EPHA6: variants seen among roughly 807,000 people sequenced by gnomAD.
EPHA6 encodes the protein ephrin type-A receptor 6.
In EPHA6, 50 loss-of-function variants were observed where a neutral mutation model predicts 112.0. The observed-to-expected ratio is 0.45, with a 90% CI of 0.36 to 0.56. The LOEUF (loss-of-function observed/expected upper bound fraction) is 0.56, where lower values mean the gene tolerates loss of function less well. EPHA6 is among the 20% of genes least tolerant of loss of function. The probability of loss-of-function intolerance (pLI) is 0.00; values close to 1 mark genes in which losing one functional copy is unlikely to be tolerated. For missense variants in EPHA6, 1,280 were observed against 1,417.4 expected, an observed-to-expected ratio of 0.90 and a Z score of 1.56; for synonymous variants, 529 against 490.7, an observed-to-expected ratio of 1.08 and a Z score of -1.03.
chr3:97,106,339 C>T (rs764753354), intron 3 of EPHA6, among the ~76,000 whole-genome samples: 1 of 151,922 alleles, frequency 6.6e-6, no homozygotes, highest in Non-Finnish European at 1.5e-5. Flanking sequence ...GGTTTCCAAA[C>T]CCTCAGAATT....
At chr3:96,948,645 T>A (rs565921052) in intron 2 of EPHA6, among the ~76,000 whole-genome samples, 31 of 152,198 alleles carry the variant, frequency 2.0e-4, no homozygotes, top group Non-Finnish European at 4.0e-4. Context: ...TGGTGTTTCC[T>A]CTATCTTCAG....
intron 12 of EPHA6, 53 bp from the exon 13 acceptor site, chr3:97,610,740 C>T (rs1161586331): frequency 3.3e-5 from 47 of 1,404,856 alleles, no homozygotes; most frequent in Non-Finnish European, 4.5e-5. Context: ...TTAACTGCAG[C>T]ACATATTTCT....
At chr3:97,707,052 T>A (rs1022331061) in intron 14 of EPHA6, among the ~76,000 whole-genome samples, 1 of 152,130 alleles carries the variant, frequency 6.6e-6, no homozygotes, top group Non-Finnish European at 1.5e-5. Flanking sequence ...CTTTTTAAAT[T>A]GAAAATTTAG....
intron 1 of EPHA6, among the ~76,000 whole-genome samples, chr3:96,834,886 G>T (rs2034307874): frequency 6.6e-6 from 1 of 151,940 alleles, no homozygotes; most frequent in African/African-American, 2.4e-5. Context: ...AAGATTTATA[G>T]ATGGGGTTTA....
chr3:97,290,701 G>A (rs925209447), intron 5 of EPHA6, among the ~76,000 whole-genome samples: 28 of 151,982 alleles, frequency 1.8e-4, no homozygotes, highest in African/African-American at 6.8e-4. Context: ...ATGATCTTTT[G>A]TATTTCTGAG....
At chr3:97,737,724 G>C (rs1199710958) in intron 16 of EPHA6, among the ~76,000 whole-genome samples, 1 of 152,038 alleles carries the variant, frequency 6.6e-6, no homozygotes, top group East Asian at 1.9e-4. Flanking sequence ...ATCTGGACTA[G>C]AGATGTAGAT....
chr3:97,546,888 G>C (rs902656423), intron 11 of EPHA6, among the ~76,000 whole-genome samples: 2 of 152,146 alleles, frequency 1.3e-5, no homozygotes, highest in African/African-American at 4.8e-5. Context: ...TCGTCACGTA[G>C]CTCTCATGCC....
intron 6 of EPHA6, among the ~76,000 whole-genome samples, chr3:97,415,394 A>G (rs1323408113): frequency 6.6e-6 from 1 of 152,036 alleles, no homozygotes; most frequent in Non-Finnish European, 1.5e-5. Context: ...TTATCTATTC[A>G]TTGGACACCT....
At chr3:97,226,002 A>AGTGT (rs371389846) in intron 3 of EPHA6, among the ~76,000 whole-genome samples, 1 of 151,486 alleles carries the variant, frequency 6.6e-6, no homozygotes, top group Non-Finnish European at 1.5e-5. Flanking sequence ...TGCCCGTGTG[A>AGTGT]GTGTGTGTGT....
chr3:97,130,950 C>A (rs1479998684), intron 3 of EPHA6, among the ~76,000 whole-genome samples: 4 of 152,088 alleles, frequency 2.6e-5, no homozygotes, highest in Admixed American at 2.0e-4. Flanking sequence ...GTAACCACTT[C>A]TGTGCCATTT....
intron 5 of EPHA6, among the ~76,000 whole-genome samples, chr3:97,269,033 G>C (rs568760829): frequency 9.9e-5 from 15 of 152,086 alleles, no homozygotes; most frequent in Non-Finnish European, 1.9e-4. Context: ...TGGCTAGTTC[G>C]CTTTAAATAA....
intron 2 of EPHA6, among the ~76,000 whole-genome samples, chr3:96,883,688 CAG>C (rs1164222184): frequency 6.6e-6 from 1 of 152,042 alleles, no homozygotes; most frequent in Non-Finnish European, 1.5e-5. Context: ...ATTTTTGAGA[CAG>C]AGTCTCACTC....
At chr3:97,133,411 A>G (rs999067017) in intron 3 of EPHA6, among the ~76,000 whole-genome samples, 3 of 152,046 alleles carry the variant, frequency 2.0e-5, no homozygotes, top group Non-Finnish European at 4.4e-5. Context: ...TATTTTGTTC[A>G]CATATGCTTT....
chr3:97,656,967 G>A (rs912688888), intron 14 of EPHA6, among the ~76,000 whole-genome samples: 1 of 151,786 alleles, frequency 6.6e-6, no homozygotes, highest in African/African-American at 2.4e-5. Context: ...CTTAATCAGT[G>A]TATAATATGT....
At chr3:97,081,806 A>T (rs1441011881) in intron 3 of EPHA6, among the ~76,000 whole-genome samples, 1 of 151,332 alleles carries the variant, frequency 6.6e-6, no homozygotes, top group East Asian at 1.9e-4. Context: ...CAATTAAAAT[A>T]ATATTTAAAA....
At chr3:97,527,050 C>T (rs573961157) in intron 10 of EPHA6, among the ~76,000 whole-genome samples, 32 of 152,098 alleles carry the variant, frequency 2.1e-4, no homozygotes, top group Non-Finnish European at 3.4e-4. Flanking sequence ...GCTAGAATTA[C>T]AGCTAAAGGG....
intron 5 of EPHA6, among the ~76,000 whole-genome samples, chr3:97,298,992 A>G (rs947878875): frequency 6.6e-6 from 1 of 152,058 alleles, no homozygotes; most frequent in Non-Finnish European, 1.5e-5. Context: ...AGATTTTCTG[A>G]TTTTGAAGTG....
chr3:96,887,283 C>A (rs943294123), intron 2 of EPHA6, among the ~76,000 whole-genome samples: 2 of 152,094 alleles, frequency 1.3e-5, no homozygotes, highest in African/African-American at 2.4e-5. Flanking sequence ...ATGGGGTGTT[C>A]CCTTGATGTA....
intron 3 of EPHA6, among the ~76,000 whole-genome samples, chr3:97,032,359 T>C (rs147051421): frequency 0.015 from 2,334 of 152,060 alleles, 55 homozygotes; most frequent in African/African-American, 0.053. Context: ...AATGACGAGT[T>C]AATGGGTGCA....
Sources: gnomAD v4.1 joint callset for allele counts (sites outside exome capture counted in the v4.1 genomes callset) on GRCh38, gnomAD v4.1.1 for gene constraint, MANE v1.5 for transcripts, NCBI Gene and HGNC (gene_info 2026-07-23, HGNC 2026-07-21) for gene names.